The following KIAA1549 variants were observed in gnomAD, a reference collection of about 807,000 sequenced individuals.
KIAA1549 encodes KIAA1549, also known as UPF0606 protein KIAA1549.
A neutral mutation model predicts 156.4 loss-of-function variants in KIAA1549; 70 were observed. The observed-to-expected ratio is 0.45, with a 90% CI of 0.37 to 0.55. The LOEUF (loss-of-function observed/expected upper bound fraction) is 0.55, where lower values mean the gene tolerates loss of function less well. KIAA1549 is among the 20% of genes least tolerant of loss of function. The pLI is 0.00. For missense variants in KIAA1549, 2,428 were observed against 2,540.9 expected, an observed-to-expected ratio of 0.96 and a Z score of 0.96; for synonymous variants, 1,103 against 1,066.4, an observed-to-expected ratio of 1.03 and a Z score of -0.67.
At chr7:138,862,874 G>A (rs1810628729) in intron 15 of KIAA1549, among the ~76,000 whole-genome samples, 1 of 152,166 alleles carries the variant, frequency 6.6e-6, no homozygotes, top group African/African-American at 2.4e-5. Flanking sequence ...AGGTTGCAGT[G>A]AACTGAGATT....
intron 1 of KIAA1549, among the ~76,000 whole-genome samples, chr7:138,967,981 C>T (rs1031414334): frequency 6.6e-6 from 1 of 152,210 alleles, no homozygotes; most frequent in African/African-American, 2.4e-5. Context: ...ACCACTGAGG[C>T]TCCCAGCTCT....
At chr7:138,859,336 T>G (rs1810487589) in intron 16 of KIAA1549, among the ~76,000 whole-genome samples, 1 of 152,148 alleles carries the variant, frequency 6.6e-6, no homozygotes, top group Non-Finnish European at 1.5e-5. Context: ...GTTGGGGGGT[T>G]ATGGCTTCAA....
intron 1 of KIAA1549, among the ~76,000 whole-genome samples, chr7:138,966,570 A>C (rs1814032040): frequency 6.6e-6 from 1 of 151,974 alleles, no homozygotes; most frequent in Non-Finnish European, 1.5e-5. Context: ...AGAAACACGT[A>C]GGCTGGGAGG....
At chr7:138,874,416 G>C (rs1811022774) in intron 12 of KIAA1549, among the ~76,000 whole-genome samples, 2 of 152,136 alleles carry the variant, frequency 1.3e-5, no homozygotes, top group Non-Finnish European at 2.9e-5. Flanking sequence ...ATAAGTATGT[G>C]AGGTAATGTA....
At chr7:138,871,842 C>T (rs966672364) in intron 12 of KIAA1549, among the ~76,000 whole-genome samples, 5 of 152,204 alleles carry the variant, frequency 3.3e-5, no homozygotes, top group Non-Finnish European at 7.3e-5. Flanking sequence ...AACAGAAGAC[C>T]AGTACGTGCA....
Position 138,912,419 on chromosome 7 carries a change from T to C in KIAA1549, c.2920A>G (p.Ile974Val), listed in dbSNP as rs778499446. The C allele has an allele frequency of 3.1e-6, 5 of 1,613,940 alleles. No individual in the cohort carries two copies. Among genetic ancestry groups the C allele is most frequent in the Non-Finnish European group, 2.5e-6 (3 of 1,179,864 alleles). ...AAGTGAATCCTCAGTACTTCTTTGA[T>C]TGCTGTAATGATGTACTCCTGCACA... ...RAVQEYIITAIKEVLRIHFNR... is the reference protein window; with the variant it reads ...RAVQEYIITAVKEVLRIHFNR... Residue 974 changes from isoleucine to valine, a missense_variant, in exon 3 of 20, where the codon ATC becomes GTC. Coordinates refer to ENST00000422774, the MANE Select transcript of KIAA1549 (RefSeq NM_001164665.2).
In KIAA1549 at chr7:138,962,349, G is replaced by A. The variant is rs144007359; in HGVS notation, c.187+18734C>T. ...ATGGTAGCTGCTAATCTCCAAAGACGACCACCATCAATGTCAATGTCTAGG... is the reference window on the plus strand; with the variant it reads ...ATGGTAGCTGCTAATCTCCAAAGACAACCACCATCAATGTCAATGTCTAGG... On this transcript the variant is annotated intron_variant, in intron 1 of 19. Transcript: ENST00000422774. Among the ~76,000 whole-genome samples, 407 of 152,126 alleles carry A rather than the reference G, an allele frequency of 2.7e-3. 3 individuals carry two copies. The highest frequency in any genetic ancestry group is 7.6e-3 in the African/African-American group (317 of 41,486).
chr7:138,967,278 G>A (rs935357316), intron 1 of KIAA1549, among the ~76,000 whole-genome samples: 4 of 152,086 alleles, frequency 2.6e-5, no homozygotes, highest in Non-Finnish European at 1.5e-5. Flanking sequence ...TAAGTGTCAT[G>A]AAGAAAAAAA....
At chr7:138,956,042 C>T (rs1417132130) in intron 1 of KIAA1549, among the ~76,000 whole-genome samples, 1 of 152,158 alleles carries the variant, frequency 6.6e-6, no homozygotes, top group East Asian at 1.9e-4. Flanking sequence ...TACAGGTGTG[C>T]ACCACCAAGC....
intron 16 of KIAA1549, among the ~76,000 whole-genome samples, chr7:138,858,711 C>A (rs1221901664): frequency 6.6e-6 from 1 of 151,916 alleles, no homozygotes; most frequent in African/African-American, 2.4e-5. Context: ...CTCAGGCTGC[C>A]AAAACAAAAT....
Position 138,912,545 on chromosome 7 carries a change from C to A in KIAA1549, c.2879-85G>T. Reference sequence around the variant, plus strand: ...CAGACTTCTGGACCCCAGCACTGTGCCAAAATGTGTTAGCAGTTCCAAAAG... The same window carrying A: ...CAGACTTCTGGACCCCAGCACTGTGACAAAATGTGTTAGCAGTTCCAAAAG... On this transcript the variant is annotated intron_variant, in intron 2 of 19. Coordinates refer to ENST00000422774, the MANE Select transcript of KIAA1549 (RefSeq NM_001164665.2). 4 of 1,102,812 alleles carry A rather than the reference C, an allele frequency of 3.6e-6. No individual in the cohort carries two copies. The South Asian group carries it at 5.1e-5, about 14-fold the overall frequency. 68.3% of individuals were successfully genotyped at this position (1,102,812 alleles called of 1,614,324 possible).
intron 16 of KIAA1549, among the ~76,000 whole-genome samples, chr7:138,857,105 G>A (rs1441471020): frequency 2.0e-5 from 3 of 152,090 alleles, no homozygotes; most frequent in African/African-American, 7.2e-5. Context: ...TGGCTTCTGT[G>A]GGTTTCCGGT....
intron 12 of KIAA1549, among the ~76,000 whole-genome samples, chr7:138,875,321 A>G (rs916431031): frequency 1.1e-4 from 17 of 152,318 alleles, no homozygotes; most frequent in African/African-American, 4.1e-4. Flanking sequence ...TTTTCTTACC[A>G]TCAGTTAAAA....
chr7:138,863,435 G>T (rs1337044861), intron 15 of KIAA1549, among the ~76,000 whole-genome samples: 16 of 151,906 alleles, frequency 1.1e-4, no homozygotes, highest in Admixed American at 1.0e-3. Flanking sequence ...GCTTCTAACG[G>T]GTGATCAGTT....
At chr7:138,856,405 C>A (rs1993068) in intron 16 of KIAA1549, among the ~76,000 whole-genome samples, 69,667 of 151,844 alleles carry the variant, frequency 0.46, 18,327 homozygotes, top group African/African-American at 0.73. Flanking sequence ...CAGCACCATC[C>A]GCCATTAAAC....
At chr7:138,940,063 G>A (rs1584771947) in intron 1 of KIAA1549, among the ~76,000 whole-genome samples, 3 of 152,010 alleles carry the variant, frequency 2.0e-5, no homozygotes, top group South Asian at 2.1e-4. Flanking sequence ...TGTGCACAAC[G>A]TGCAGGTTTG....
At chr7:138,854,037 T>C (rs1048222899) in intron 16 of KIAA1549, among the ~76,000 whole-genome samples, 50 of 152,136 alleles carry the variant, frequency 3.3e-4, no homozygotes, top group Admixed American at 3.3e-3. Flanking sequence ...AAGAATGTCA[T>C]ATTTCTAGGG....
chr7:138,838,491 A>G (rs1809814354), intron 19 of KIAA1549, among the ~76,000 whole-genome samples: 1 of 152,114 alleles, frequency 6.6e-6, no homozygotes. Context: ...CTTCTGCTTT[A>G]TCTAGCTGCT....
intron 1 of KIAA1549, among the ~76,000 whole-genome samples, chr7:138,942,788 C>T (rs1049428839): frequency 6.6e-6 from 1 of 151,902 alleles, no homozygotes; most frequent in African/African-American, 2.4e-5. Context: ...CGGGCACCTG[C>T]AGTCCCAGCT....
Sources: gnomAD v4.1 joint callset for allele counts (sites outside exome capture counted in the v4.1 genomes callset) on GRCh38, gnomAD v4.1.1 for gene constraint, MANE v1.5 for transcripts, NCBI Gene and HGNC (gene_info 2026-07-23, HGNC 2026-07-21) for gene names.